The following CD109 variants were observed in gnomAD, a reference collection of about 807,000 sequenced individuals.
The protein encoded by CD109 is CD109 molecule, also known as CD109 antigen.
Under a neutral mutation model 165.8 loss-of-function variants are expected in CD109, and 149 were observed. The ratio of observed to expected loss-of-function variants is 0.90; its 90% CI spans 0.79 to 1.03. The LOEUF (loss-of-function observed/expected upper bound fraction) is 1.03, where lower values mean the gene tolerates loss of function less well. CD109 is among the 50% of genes least tolerant of loss of function. The pLI is 0.00. For synonymous variants in CD109, 585 were observed against 592.1 expected, an observed-to-expected ratio of 0.99 and a Z score of 0.18; for missense variants, 1,712 against 1,677.8, an observed-to-expected ratio of 1.02 and a Z score of -0.36.
chr6:73,766,688 C>A, intron 11 of CD109, 71 bp from the exon 12 acceptor site: 2 of 1,075,540 alleles, frequency 1.9e-6, no homozygotes, highest in Non-Finnish European at 2.8e-6. Context: ...AATAATTGTT[C>A]AGCAGGTAAC....
At chr6:73,756,540 T>C in intron 5 of CD109, 103 bp from the exon 6 acceptor site, 1 of 767,374 alleles carries the variant, frequency 1.3e-6, no homozygotes. Context: ...TAAATGTAAT[T>C]TAAAAATTAA....
rs1041254208 is a variant in CD109 at position 73,820,525 on chromosome 6, A to C, written c.4124A>C (p.Gln1375Pro). The part of the protein sequence containing the change: ...AVRNFKVSNT[Q>P]DASVSIVDYY... ...AGAAACTTTAAAGTTTCAAATACCC[A>C]AGATGCTTCAGTGTCCATAGTGGAT... The change falls in exon 32 of 33, where the codon CAA (glutamine) becomes CCA (proline). Residue 1375 changes from glutamine (Q) to proline (P), a missense_variant. Transcript: ENST00000287097. 1.9e-6 allele frequency: 3 copies of C among 1,611,982 alleles called. No individual in the cohort carries two copies. The highest frequency in any genetic ancestry group is 2.5e-6 in the Non-Finnish European group (3 of 1,178,564).
At position 73,787,345 on chromosome 6, in the gene CD109, A is replaced by C. The variant is rs1209909116; in HGVS notation, c.2449A>C (p.Thr817Pro). The change falls in exon 21 of 33, where the codon ACT becomes CCT. Residue 817 changes from threonine (T) to proline (P), a missense_variant. Thr to Pro is a conservative substitution (Grantham distance 38). Transcript: ENST00000287097. ...TLLVPSEDGA[T>P]VLFPIRPTHL... Reference sequence around the variant, plus strand: ...TCTGGTTCCCAGTGAGGATGGGGCAACTGTTCTTTTTCCCATCAGGCCAAC... The same window carrying C: ...TCTGGTTCCCAGTGAGGATGGGGCACCTGTTCTTTTTCCCATCAGGCCAAC... 1 of 1,614,094 alleles carries C rather than the reference A, an allele frequency of 6.2e-7. No homozygotes were observed. The highest frequency in any genetic ancestry group is 1.1e-5 in the South Asian group (1 of 91,084).
chr6:73,752,860 T>C (rs970499181), intron 5 of CD109, among the ~76,000 whole-genome samples: 3 of 152,214 alleles, frequency 2.0e-5, no homozygotes, highest in Non-Finnish European at 4.4e-5. Context: ...ACACAAATAC[T>C]CATTTTGAAG....
the CD109 span, among the ~76,000 whole-genome samples, chr6:73,689,935 T>C: frequency 6.6e-6 from 1 of 152,200 alleles, no homozygotes; most frequent in Non-Finnish European, 1.5e-5. Flanking sequence ...ATCTTCTTTG[T>C]CAATTCTTTT....
intron 5 of CD109, among the ~76,000 whole-genome samples, chr6:73,737,879 T>C (rs1772606896): frequency 6.6e-6 from 1 of 150,858 alleles, no homozygotes; most frequent in Non-Finnish European, 1.5e-5. Context: ...GAGTTTAAAG[T>C]AGTTTGAATA....
chr6:73,818,799 G>T (rs1331411895), intron 31 of CD109, among the ~76,000 whole-genome samples: 1 of 152,078 alleles, frequency 6.6e-6, no homozygotes, highest in Non-Finnish European at 1.5e-5. Flanking sequence ...GAAATACATA[G>T]AAATTTCCAT....
At chr6:73,790,741 G>A (rs867156840) in intron 22 of CD109, among the ~76,000 whole-genome samples, 2 of 152,078 alleles carry the variant, frequency 1.3e-5, no homozygotes. Context: ...TGTCTATTCA[G>A]GCTGTCAGTG....
At position 73,806,883 on chromosome 6, in the gene CD109, T is replaced by A. The variant is rs1255533939; in HGVS notation, c.3000T>A (p.Asp1000Glu). 3.1e-6 allele frequency: 5 copies of A among 1,613,814 alleles called. No individual in the cohort carries two copies. The highest frequency in any genetic ancestry group is 4.2e-6 in the Non-Finnish European group (5 of 1,179,862). ...TTTTAAGATGTTTCCTTGAAGCCGA[T>A]CCTTACATAGATATTGATCAGAATG... The part of the protein sequence containing the change: ...AFVLRCFLEA[D>E]PYIDIDQNVL... The change falls in exon 25 of 33, where the codon GAT becomes GAA. Residue 1000 changes from aspartate to glutamate, a missense_variant. Physicochemically the swap from Asp to Glu is conservative, Grantham distance 45. Transcript: ENST00000287097.
At chr6:73,716,426 T>A (rs1487310362) in intron 2 of CD109, among the ~76,000 whole-genome samples, 2 of 152,182 alleles carry the variant, frequency 1.3e-5, no homozygotes, top group East Asian at 3.8e-4. Flanking sequence ...TTCCTCCACA[T>A]CCTCATCAGC....
intron 14 of CD109, among the ~76,000 whole-genome samples, chr6:73,769,543 A>G (rs1258076492): frequency 1.3e-5 from 2 of 152,242 alleles, no homozygotes; most frequent in Non-Finnish European, 2.9e-5. Context: ...TTGCAACTAT[A>G]TATCTTTCTC....
At chr6:73,717,112 T>C (rs1322141876) in intron 2 of CD109, among the ~76,000 whole-genome samples, 1 of 152,230 alleles carries the variant, frequency 6.6e-6, no homozygotes, top group Non-Finnish European at 1.5e-5. Context: ...GTTTCTGGCT[T>C]CTCTATTGTG....
intron 15 of CD109, among the ~76,000 whole-genome samples, chr6:73,777,099 C>G (rs960879390): frequency 4.5e-5 from 5 of 111,820 alleles, no homozygotes; most frequent in African/African-American, 2.0e-4. Context: ...GCTGGAATTA[C>G]AGGCATGTGC....
chr6:73,773,469 C>G (rs1032039325), intron 15 of CD109, among the ~76,000 whole-genome samples: 1 of 151,882 alleles, frequency 6.6e-6, no homozygotes, highest in Non-Finnish European at 1.5e-5. Flanking sequence ...AATTCTTTTT[C>G]TAATGGGGAC....
At chr6:73,699,684 C>T (rs932776013) in intron 2 of CD109, among the ~76,000 whole-genome samples, 3 of 152,074 alleles carry the variant, frequency 2.0e-5, no homozygotes, top group Admixed American at 6.6e-5. Flanking sequence ...AAGACTGGGG[C>T]GGGCAAAGCT....
At chr6:73,791,150 T>TACACACATACACATATAG (rs1300981171) in intron 22 of CD109, among the ~76,000 whole-genome samples, 1 of 27,338 alleles carries the variant, frequency 3.7e-5, no homozygotes, top group African/African-American at 1.5e-4. Context: ...TATATATATA[T>TACACACATACACATATAG]ATATATATAT....
intron 3 of CD109, 151 bp downstream of exon 3, chr6:73,723,430 G>C: frequency 1.5e-6 from 1 of 656,106 alleles, no homozygotes; most frequent in Middle Eastern, 4.2e-4. Flanking sequence ...GATTATTTAT[G>C]AATAATATTA....
chr6:73,802,289 G>GTGTGTATATATA (rs71542231), intron 23 of CD109, among the ~76,000 whole-genome samples: 3 of 78,202 alleles, frequency 3.8e-5, no homozygotes, highest in African/African-American at 6.0e-5. Flanking sequence ...GTGTGTGTGT[G>GTGTGTATATATA]TATATATATA....
upstream of CD109, among the ~76,000 whole-genome samples, chr6:73,692,575 A>C (rs766716585): frequency 2.5e-4 from 38 of 152,140 alleles, no homozygotes; most frequent in Non-Finnish European, 4.4e-5. Flanking sequence ...ATAAAAATAA[A>C]ATGAAATTTA....
Sources: allele counts gnomAD v4.1 joint callset (sites outside exome capture counted in the v4.1 genomes callset), GRCh38; gene constraint gnomAD v4.1.1; transcripts MANE v1.5; gene names NCBI Gene and HGNC (gene_info 2026-07-23, HGNC 2026-07-21).